Variants in PLEKHH1 observed in about 807,000 individuals in gnomAD.
The protein encoded by PLEKHH1 is pleckstrin homology domain-containing family H member 1.
A neutral mutation model predicts 160.0 loss-of-function variants in PLEKHH1; 104 were observed. The observed-to-expected ratio is 0.65, with a 90% CI of 0.55 to 0.76. The LOEUF (loss-of-function observed/expected upper bound fraction) is 0.76. Among genes scored for constraint, PLEKHH1 ranks in the 30% least tolerant of loss-of-function variants. The probability of loss-of-function intolerance (pLI) is 0.00; values close to 1 mark genes in which losing one functional copy is unlikely to be tolerated. For missense variants in PLEKHH1, 1,427 were observed against 1,724.1 expected, an observed-to-expected ratio of 0.83 and a Z score of 3.05; for synonymous variants, 619 against 678.4, an observed-to-expected ratio of 0.91 and a Z score of 1.36.
intron 2 of PLEKHH1, among the ~76,000 whole-genome samples, chr14:67,542,820 C>T (rs766948640): frequency 5.8e-4 from 89 of 152,270 alleles, no homozygotes; most frequent in African/African-American, 2.0e-3. Context: ...CCTGCCTCAG[C>T]CTCCGGAGTA....
rs779550742 is a variant in PLEKHH1, at chr14:67,582,227, G to GA, written c.3426+19dup. 1 of 1,613,528 alleles carries GA rather than the reference G, an allele frequency of 6.2e-7. No individual in the cohort carries two copies. Among genetic ancestry groups the GA allele is most frequent in the South Asian group, 1.1e-5 (1 of 91,040 alleles). On this transcript the variant is annotated intron_variant, in intron 24 of 28. Coordinates refer to ENST00000329153, the MANE Select transcript of PLEKHH1 (RefSeq NM_020715.3). The surrounding 1 kb of genome is among the most constrained non-coding windows in gnomAD (Gnocchi z 5.0). ...ATGGCCCAGGTAAGGTTCTGTTCAGGAAGCAGGAGGGTCGGGTTGCCAGCT... is the reference window on the plus strand; with the variant it reads ...ATGGCCCAGGTAAGGTTCTGTTCAGGAAAGCAGGAGGGTCGGGTTGCCAGCT...
rs752361013 is a variant in PLEKHH1, at chr14:67,579,197, G to A, written c.2913G>A (p.Gly971=). ...CAGTGGAGCGGACCCTGCGGACCGG[G>A]GAGCGGGAAGCCAGGCCATCGCGCA... ...QRAVERTLRT[G]EREARPSRME... The change falls in exon 21 of 29, where the codon GGG becomes GGA. Residue 971 remains glycine, a synonymous_variant. Transcript: ENST00000329153. 1 of 1,611,328 alleles carries A rather than the reference G, an allele frequency of 6.2e-7. No homozygotes were observed. The highest frequency in any genetic ancestry group is 8.5e-7 in the Non-Finnish European group (1 of 1,179,030).
At position 67,583,668 on chromosome 14, in the gene PLEKHH1, A is replaced by C. The variant is rs1258862178; in HGVS notation, c.3427-73A>C. ...GGGTAATAAAGAAATGGTTTATTTC[A>C]CCTCTCAACAGCCCCCACCTGGCCC... is the stretch of plus-strand genomic sequence containing the variant. On this transcript the variant is annotated intron_variant, in intron 24 of 28. Coordinates refer to ENST00000329153, the MANE Select transcript of PLEKHH1 (RefSeq NM_020715.3). The C allele has an allele frequency of 9.7e-6, 11 of 1,137,666 alleles. No individual in the cohort carries two copies. In the African/African-American group the frequency reaches 1.7e-4, roughly 18 times the overall value. 70.5% of individuals were successfully genotyped at this position (1,137,666 alleles called of 1,614,324 possible).
chr14:67,542,655 T>C (rs1340435358), intron 2 of PLEKHH1, among the ~76,000 whole-genome samples: 1 of 152,230 alleles, frequency 6.6e-6, no homozygotes, highest in Non-Finnish European at 1.5e-5. Flanking sequence ...TTTCCTAATG[T>C]TTCTGTGGGA....
Position 67,576,612 on chromosome 14 carries a change from A to T in PLEKHH1, c.2461+109A>T. 1.7e-6 allele frequency: 1 copy of T among 595,528 alleles called. No individual in the cohort carries two copies. The highest frequency in any genetic ancestry group is 3.0e-6 in the Non-Finnish European group (1 of 331,920). The allele number at this position is 595,528 out of a possible 1,614,324, so 36.9% of individuals were successfully genotyped here. On this transcript the variant is annotated intron_variant, in intron 17 of 28. Transcript: ENST00000329153. The surrounding 1 kb of genome is among the most constrained non-coding windows in gnomAD (Gnocchi z 4.0). ...TGTACCCTGAAGCTGTTTTTAAAAC[A>T]TCTAAGCCACAGAGGGGAAGTTCCC...
rs1261531795 is a variant in PLEKHH1, at chr14:67,588,891, A to C, written c.*1656A>C. The C allele has an allele frequency of 6.6e-6, 1 of 152,644 alleles. No homozygotes were observed. The highest frequency in any genetic ancestry group is 2.4e-5 in the African/African-American group (1 of 41,452). 9.5% of individuals were successfully genotyped at this position (152,644 alleles called of 1,614,324 possible). The stretch of plus-strand genomic sequence containing the variant: ...AAACTGACAAGCATGATGAAAAAAG[A>C]AGCACATCCAAGTTTCTGCCTCTTT... On this transcript the variant is annotated 3_prime_UTR_variant, in exon 29 of 29. Coordinates refer to ENST00000329153, the MANE Select transcript of PLEKHH1 (RefSeq NM_020715.3).
rs1243397261 is a variant in PLEKHH1, at chr14:67,559,710, T to A, written c.423+19T>A. ...GGCAAAGGTGGGTTGGAAACTCATC[T>A]TGGAGGCCTGCCAGAGGCATGGCTG... On this transcript the variant is annotated intron_variant, in intron 5 of 28. Transcript: ENST00000329153. 1 of 1,544,890 alleles carries A rather than the reference T, an allele frequency of 6.5e-7. No individual in the cohort carries two copies. The highest frequency in any genetic ancestry group is 8.9e-7 in the Non-Finnish European group (1 of 1,126,212).
Position 67,582,085 on chromosome 14 carries a change from C to A in PLEKHH1, c.3301C>A (p.Gln1101Lys). 1 of 1,611,440 alleles carries A rather than the reference C, an allele frequency of 6.2e-7. No individual in the cohort carries two copies. The highest frequency in any genetic ancestry group is 1.1e-5 in the South Asian group (1 of 90,540). The stretch of plus-strand genomic sequence containing the variant: ...TCTTTGTAGGCTGTACTTTCGCAGT[C>A]AAGTCAAAGGGGAGACGGACCGAGA... ...MYKNRLYFRSQVKGETDRERL... is the reference protein window; with the variant it reads ...MYKNRLYFRSKVKGETDRERL... The change falls in exon 24 of 29, where the codon CAA (glutamine) becomes AAA (lysine). Residue 1101 changes from glutamine (Q) to lysine (K), a missense_variant. Transcript: ENST00000329153. This position sits in a 1 kb window ranked among gnomAD's most constrained non-coding sequence, Gnocchi z 5.0.
intron 2 of PLEKHH1, 40 bp from the exon 3 acceptor site, chr14:67,555,785 A>G (rs1420299336): frequency 1.4e-5 from 22 of 1,609,498 alleles, no homozygotes; most frequent in Non-Finnish European, 1.9e-5. Flanking sequence ...CACAGTAGGG[A>G]CATGGCACCT....
At position 67,574,326 on chromosome 14, in the gene PLEKHH1, C is replaced by G. The variant is rs777803563; in HGVS notation, c.2011C>G (p.Leu671Val). 1.9e-6 allele frequency: 3 copies of G among 1,604,002 alleles called. No homozygotes were observed. The highest frequency in any genetic ancestry group is 2.6e-6 in the Non-Finnish European group (3 of 1,175,404). The part of the protein sequence containing the change: ...EEWIRVLQSL[L>V]KVQATGPPAL... ...GTGGATCCGAGTACTCCAGAGCCTGCTGAAGGTGCAGGCCACCGGGCCTCC... is the reference window on the plus strand; with the variant it reads ...GTGGATCCGAGTACTCCAGAGCCTGGTGAAGGTGCAGGCCACCGGGCCTCC... The change falls in exon 14 of 29, where the codon CTG becomes GTG. Residue 671 changes from leucine (L) to valine (V), a missense_variant. Leu to Val is a conservative substitution (Grantham distance 32). Coordinates refer to ENST00000329153, the MANE Select transcript of PLEKHH1 (RefSeq NM_020715.3). The surrounding 1 kb of genome is among the most constrained non-coding windows in gnomAD (Gnocchi z 4.2).
intron 2 of PLEKHH1, among the ~76,000 whole-genome samples, chr14:67,554,467 C>T (rs143557139): frequency 1.2e-4 from 19 of 152,190 alleles, no homozygotes; most frequent in Admixed American, 9.2e-4. Flanking sequence ...TGGGATGCAA[C>T]GCCTCTGGGA....
chr14:67,586,573 T>G (rs552789839), intron 28 of PLEKHH1: 68 of 514,836 alleles, frequency 1.3e-4, no homozygotes, highest in Non-Finnish European at 2.1e-4. Context: ...CTCTTTTGCT[T>G]TAGTGACTTT....
rs142892946 is a variant in PLEKHH1, at chr14:67,540,436, G to T, written c.-34-1398G>T. Among the ~76,000 whole-genome samples, 667 of 152,090 alleles carry T rather than the reference G, an allele frequency of 4.4e-3. 16 individuals carry two copies. In the East Asian group the frequency reaches 0.061, roughly 14 times the overall value. On this transcript the variant is annotated intron_variant, in intron 1 of 28. Transcript: ENST00000329153. ...AGGCCAGGAGTTCAAGACCAGCCTG[G>T]CCAACATAGTGAATCTCCATCTCTA...
At chr14:67,558,447 A>G (rs1776071549) in intron 4 of PLEKHH1, among the ~76,000 whole-genome samples, 1 of 152,190 alleles carries the variant, frequency 6.6e-6, no homozygotes, top group South Asian at 2.1e-4. Flanking sequence ...TGATGGAAGA[A>G]TAGAATTTTG....
chr14:67,586,200 C>A, intron 28 of PLEKHH1, 103 bp downstream of exon 28: 1 of 1,353,058 alleles, frequency 7.4e-7, no homozygotes, highest in Non-Finnish European at 1.0e-6. Flanking sequence ...AAGGGCCCTG[C>A]CCAGATAAAA....
rs545090105 is a variant in PLEKHH1 at position 67,559,403 on chromosome 14, G to A, written c.340-205G>A. Among the ~76,000 whole-genome samples the A allele has an allele frequency of 3.9e-5, 6 of 152,090 alleles. No individual in the cohort carries two copies. The East Asian group carries it at 7.7e-4, about 20-fold the overall frequency. ...CCGCGTTTATTCAGCCAACCCCTTC[G>A]TGGTGAACACTTAGACTATTTCCAG... On this transcript the variant is annotated intron_variant, in intron 4 of 28. Coordinates refer to ENST00000329153, the MANE Select transcript of PLEKHH1 (RefSeq NM_020715.3).
At chr14:67,583,694 A>ATCT in intron 24 of PLEKHH1, 47 bp from the exon 25 acceptor site, 1 of 1,527,658 alleles carries the variant, frequency 6.5e-7, no homozygotes, top group Non-Finnish European at 9.0e-7. Context: ...CACCTGGCCC[A>ATCT]TCCACTGTCA....
At position 67,587,639 on chromosome 14, in the gene PLEKHH1, C is replaced by T; in HGVS notation, c.*404C>T. The T allele has an allele frequency of 4.1e-6, 1 of 242,872 alleles. No individual in the cohort carries two copies. Among genetic ancestry groups the T allele is most frequent in the South Asian group, 4.7e-5 (1 of 21,226 alleles). 15.0% of individuals were successfully genotyped at this position (242,872 alleles called of 1,614,324 possible). ...CAGTGTCACTATGTCACCCAGTCCA[C>T]AGGGTTCAAGCAATTCTCCTGCCTC... is the stretch of plus-strand genomic sequence containing the variant. On this transcript the variant is annotated 3_prime_UTR_variant, in exon 29 of 29. Coordinates refer to ENST00000329153, the MANE Select transcript of PLEKHH1 (RefSeq NM_020715.3).
At chr14:67,538,153 C>T (rs1453201040) in intron 1 of PLEKHH1, among the ~76,000 whole-genome samples, 1 of 152,042 alleles carries the variant, frequency 6.6e-6, no homozygotes, top group Admixed American at 6.5e-5. Context: ...TTCCAGCTCA[C>T]TTCCCCTCTC....
Sources: gnomAD v4.1 joint callset for allele counts (sites outside exome capture counted in the v4.1 genomes callset) on GRCh38, gnomAD v4.1.1 for gene constraint, Gnocchi (gnomAD v3.1) non-coding constraint, MANE v1.5 for transcripts, NCBI Gene and HGNC (gene_info 2026-07-23, HGNC 2026-07-21) for gene names.